SENP7: variants seen among roughly 807,000 people sequenced by gnomAD.
SENP7 encodes sentrin-specific protease 7.
SENP7 carries 64 observed loss-of-function variants against 141.2 expected under a neutral mutation model. That is an observed-to-expected ratio of 0.45 (90% confidence interval 0.37 to 0.56). The LOEUF (loss-of-function observed/expected upper bound fraction) is 0.56, where lower values mean the gene tolerates loss of function less well. Ranked by LOEUF, SENP7 falls within the 20% of genes least tolerant of loss-of-function variation. SENP7 has a pLI of 0.00. For synonymous variants in SENP7, 382 were observed against 426.4 expected, an observed-to-expected ratio of 0.90 and a Z score of 1.28; for missense variants, 1,025 against 1,212.2, an observed-to-expected ratio of 0.85 and a Z score of 2.29.
chr3:101,463,378 T>TATAATATATATATATAC (rs2063631485), intron 3 of SENP7, among the ~76,000 whole-genome samples: 3 of 84,410 alleles, frequency 3.6e-5, no homozygotes, highest in Non-Finnish European at 6.7e-5. Flanking sequence ...TATATATATA[T>TATAATATATATATATAC]ATATATATAT....
intron 3 of SENP7, among the ~76,000 whole-genome samples, chr3:101,490,958 A>T (rs1053768504): frequency 1.3e-5 from 2 of 152,164 alleles, no homozygotes; most frequent in East Asian, 3.8e-4. Flanking sequence ...CAGGATTTCG[A>T]TTTCCCAAAA....
In SENP7 at chr3:101,332,755, A is replaced by G. The variant is rs2059089664; in HGVS notation, c.2573+15T>C. On this transcript the variant is annotated intron_variant, in intron 18 of 23. Coordinates refer to ENST00000394095, the MANE Select transcript of SENP7 (RefSeq NM_020654.5). ...ATTCTTTCCAATATGTTCTTAAATA[A>G]TCTGAAATACTTACGACTCATTTAC... is the stretch of plus-strand genomic sequence containing the variant. 6 of 1,456,826 alleles carry G rather than the reference A, an allele frequency of 4.1e-6. No individual in the cohort carries two copies. The highest frequency in any genetic ancestry group is 5.4e-6 in the Non-Finnish European group (6 of 1,103,414). The allele number at this position is 1,456,826 out of a possible 1,614,324, so 90.2% of individuals were successfully genotyped here. A position where few individuals can be genotyped will look rare whatever the true frequency, so the allele number is the denominator to read the frequency against.
At chr3:101,406,033 T>C (rs1390073913) in intron 5 of SENP7, among the ~76,000 whole-genome samples, 4 of 152,202 alleles carry the variant, frequency 2.6e-5, no homozygotes, top group African/African-American at 9.6e-5. Context: ...TGGTGATTCC[T>C]CAAGGATCTA....
At chr3:101,452,783 A>G (rs2063193359) in intron 4 of SENP7, among the ~76,000 whole-genome samples, 1 of 152,242 alleles carries the variant, frequency 6.6e-6, no homozygotes, top group Non-Finnish European at 1.5e-5. Flanking sequence ...CCTAGGCAAT[A>G]TCATTCAGGA....
intron 19 of SENP7, among the ~76,000 whole-genome samples, chr3:101,331,745 G>C (rs780937801): frequency 6.6e-6 from 1 of 151,958 alleles, no homozygotes; most frequent in Non-Finnish European, 1.5e-5. Context: ...TTGTATGTTT[G>C]AAATATTTCA....
At chr3:101,433,271 A>C (rs368398703) in intron 4 of SENP7, among the ~76,000 whole-genome samples, 1 of 152,036 alleles carries the variant, frequency 6.6e-6, no homozygotes, top group Non-Finnish European at 1.5e-5. Flanking sequence ...ATACACAAAA[A>C]ATAAAAAGCA....
At chr3:101,508,116 C>A (rs1290541593) in intron 1 of SENP7, among the ~76,000 whole-genome samples, 1 of 151,516 alleles carries the variant, frequency 6.6e-6, no homozygotes, top group Non-Finnish European at 1.5e-5. Flanking sequence ...ATCTACTGAC[C>A]CAAGATCCTT....
chr3:101,389,524 A>C (rs2060752394), intron 6 of SENP7, among the ~76,000 whole-genome samples: 1 of 152,152 alleles, frequency 6.6e-6, no homozygotes, highest in Non-Finnish European at 1.5e-5. Context: ...GAAAAAAAAA[A>C]CTGCCAGCCA....
At chr3:101,365,569 A>G (rs1309282427) in intron 9 of SENP7, among the ~76,000 whole-genome samples, 1 of 132,772 alleles carries the variant, frequency 7.5e-6, no homozygotes, top group Non-Finnish European at 1.6e-5. Flanking sequence ...CAGGAGGGGG[A>G]GGTTGCAGTG....
At chr3:101,423,009 A>C (rs62280720) in intron 4 of SENP7, among the ~76,000 whole-genome samples, 20,962 of 152,126 alleles carry the variant, frequency 0.14, 1,470 homozygotes, top group South Asian at 0.18. Context: ...GGAGTCCTAC[A>C]TTTTGATTCC....
intron 4 of SENP7, among the ~76,000 whole-genome samples, chr3:101,421,072 T>C (rs1482054493): frequency 6.6e-6 from 1 of 152,212 alleles, no homozygotes; most frequent in Non-Finnish European, 1.5e-5. Flanking sequence ...GATGATGATA[T>C]GAAATTACTG....
At chr3:101,339,129 G>T (rs1260724924) in intron 16 of SENP7, among the ~76,000 whole-genome samples, 1 of 152,078 alleles carries the variant, frequency 6.6e-6, no homozygotes, top group Non-Finnish European at 1.5e-5. Flanking sequence ...ATATAAAAAA[G>T]ACCCACATTT....
At chr3:101,402,720 A>C (rs1471736325) in intron 5 of SENP7, among the ~76,000 whole-genome samples, 2 of 152,060 alleles carry the variant, frequency 1.3e-5, no homozygotes, top group African/African-American at 4.8e-5. Flanking sequence ...TACAGCGTGG[A>C]TCACTGAATC....
At position 101,398,881 on chromosome 3, in the gene SENP7, CTT is replaced by C. The variant is rs772961854; in HGVS notation, c.655_656del (p.Lys219GlufsTer6). The C allele has an allele frequency of 6.2e-7, 1 of 1,604,018 alleles. No homozygotes were observed. The highest frequency in any genetic ancestry group is 8.5e-7 in the Non-Finnish European group (1 of 1,174,686). ...LESYQNLNPH[K>X]SCYLSERGSQ... is the part of the protein sequence containing the mutation. ...CATACCTTTCAGATAAATAACAGCT[CTT>C]GTGAGGGTTTAGATTTTGATAAGAT... On this transcript the variant is annotated frameshift_variant, in exon 6 of 24. Transcript: ENST00000394095. LOFTEE classifies it high-confidence loss of function.
intron 3 of SENP7, among the ~76,000 whole-genome samples, chr3:101,485,942 T>C (rs756420979): frequency 2.0e-5 from 3 of 152,186 alleles, no homozygotes; most frequent in Non-Finnish European, 4.4e-5. Flanking sequence ...CAGGAAACTT[T>C]GGACACACTT....
At chr3:101,377,809 A>G (rs879768669) in intron 6 of SENP7, among the ~76,000 whole-genome samples, 2 of 152,238 alleles carry the variant, frequency 1.3e-5, no homozygotes. Flanking sequence ...GAGAAGGGAA[A>G]TATCTAACTT....
Position 101,351,603 on chromosome 3 carries a change from A to C in SENP7, c.1657+15T>G. On this transcript the variant is annotated intron_variant, in intron 12 of 23. Transcript: ENST00000394095. ...TATAGTAAAAAGACAAGTTCATAAG[A>C]GAATGATAACTTACCTTGAAATGGG... 2 of 1,346,068 alleles carry C rather than the reference A, an allele frequency of 1.5e-6. No individual in the cohort carries two copies. The highest frequency in any genetic ancestry group is 2.8e-5 in the East Asian group (1 of 35,916). 83.4% of individuals were successfully genotyped at this position (1,346,068 alleles called of 1,614,324 possible). A position where few individuals can be genotyped will look rare whatever the true frequency, so the allele number is the denominator to read the frequency against.
intron 4 of SENP7, among the ~76,000 whole-genome samples, chr3:101,449,998 A>C (rs1187158892): frequency 6.6e-6 from 1 of 152,196 alleles, no homozygotes; most frequent in African/African-American, 2.4e-5. Context: ...CATAGGCTCA[A>C]AATAAAGGGA....
intron 11 of SENP7, among the ~76,000 whole-genome samples, chr3:101,353,938 T>C (rs1005860260): frequency 6.6e-6 from 1 of 152,028 alleles, no homozygotes; most frequent in African/African-American, 2.4e-5. Context: ...AATTCTCTAA[T>C]ATCTTTACCC....
Sources: gnomAD v4.1 joint callset for allele counts (sites outside exome capture counted in the v4.1 genomes callset) on GRCh38, gnomAD v4.1.1 for gene constraint, MANE v1.5 for transcripts, NCBI Gene and HGNC (gene_info 2026-07-23, HGNC 2026-07-21) for gene names.